Variants in PWWP2A observed in about 807,000 individuals in gnomAD.
The protein encoded by PWWP2A is PWWP domain containing 2A.
In PWWP2A, 18 loss-of-function variants were observed where a neutral mutation model predicts 48.5. The observed-to-expected ratio is 0.37, with a 90% CI of 0.26 to 0.55. The LOEUF is 0.55. Ranked by LOEUF, PWWP2A falls within the 20% of genes least tolerant of loss-of-function variation. The pLI is 0.81. For missense variants in PWWP2A, 867 were observed against 976.4 expected (o/e 0.89, Z 1.49); for synonymous variants, 396 against 387.7 (o/e 1.02, Z -0.25).
Position 160,093,151 on chromosome 5 carries a change from C to A in PWWP2A, c.1499G>T (p.Gly500Val), listed in dbSNP as rs1755255313. 6.2e-7 allele frequency: 1 copy of A among 1,613,832 alleles called. No individual in the cohort carries two copies. Among genetic ancestry groups the A allele is most frequent in the East Asian group, 2.2e-5 (1 of 44,868 alleles). Residue 500 changes from glycine (G) to valine (V), a missense_variant, in exon 2 of 2, where the codon GGC becomes GTC. By Grantham distance (109) the Gly-to-Val change is moderately radical. This residue lies in a region of PWWP2A where 382 missense variants were observed against 407.2 expected (regional missense o/e 0.94). Transcript: ENST00000307063. This position sits in a 1 kb window ranked among gnomAD's most constrained non-coding sequence, Gnocchi z 5.8. ...LKTGLEKMRS[G>V]KMAPKPQSRC... is the part of the protein sequence containing the mutation. ...AGACTGGGGCTTGGGTGCCATCTTG[C>A]CACTCCGCATTTTCTCAAGTCCTGT...
intron 2 of PWWP2A, among the ~76,000 whole-genome samples, chr5:160,082,802 T>C (rs1754339004): frequency 6.6e-6 from 1 of 152,108 alleles, no homozygotes; most frequent in Non-Finnish European, 1.5e-5. Context: ...ATGCAGTAAG[T>C]GGAGGGAGAG....
intron 1 of PWWP2A, among the ~76,000 whole-genome samples, chr5:160,100,162 A>T (rs1269735605): frequency 6.6e-6 from 1 of 151,850 alleles, no homozygotes; most frequent in South Asian, 2.1e-4. Context: ...TGAGCAAGGC[A>T]TGGTGGCGCA....
chr5:160,114,712 G>A (rs1301114788), intron 1 of PWWP2A, among the ~76,000 whole-genome samples: 3 of 147,836 alleles, frequency 2.0e-5, no homozygotes, highest in African/African-American at 7.5e-5. Flanking sequence ...GCAGTGAGCC[G>A]AGATTGTGCC....
At chr5:160,087,917 A>G (rs1159706498), downstream of PWWP2A, among the ~76,000 whole-genome samples, 1 of 152,238 alleles carries the variant, frequency 6.6e-6, no homozygotes, top group Non-Finnish European at 1.5e-5. Flanking sequence ...AAAGACACCA[A>G]AATACCCTGG....
intron 1 of PWWP2A, among the ~76,000 whole-genome samples, chr5:160,104,584 C>T (rs531170070): frequency 2.0e-5 from 3 of 152,038 alleles, no homozygotes; most frequent in South Asian, 4.2e-4. Context: ...GGGTGGATCA[C>T]CTGAGGTCAG....
intron 1 of PWWP2A, among the ~76,000 whole-genome samples, chr5:160,112,226 G>A (rs751070199): frequency 1.3e-4 from 20 of 151,778 alleles, no homozygotes; most frequent in South Asian, 2.1e-4. Flanking sequence ...ACTTAAAGGC[G>A]TCCAGTTCTT....
chr5:160,102,948 G>A (rs1391061659), intron 1 of PWWP2A, among the ~76,000 whole-genome samples: 1 of 152,152 alleles, frequency 6.6e-6, no homozygotes, highest in East Asian at 1.9e-4. Context: ...CGGAAAAATT[G>A]AAGAAATAAT....
the PWWP2A span, chr5:160,049,666 A>G: frequency 1.0e-5 from 16 of 1,564,744 alleles, no homozygotes; most frequent in Non-Finnish European, 1.3e-5. Context: ...TTGTATGGTA[A>G]AACCTAAAAT....
downstream of PWWP2A, among the ~76,000 whole-genome samples, chr5:160,059,874 C>T (rs549480706): frequency 6.6e-6 from 1 of 152,284 alleles, no homozygotes; most frequent in South Asian, 2.1e-4. Flanking sequence ...GAAATGAGCA[C>T]GTGCTATTGG....
At chr5:160,100,567 G>A (rs1056930271) in intron 1 of PWWP2A, among the ~76,000 whole-genome samples, 9 of 152,268 alleles carry the variant, frequency 5.9e-5, no homozygotes, top group African/African-American at 2.2e-4. Flanking sequence ...AGGAGTTCAC[G>A]ACCAGCCTGG....
intron 2 of PWWP2A, among the ~76,000 whole-genome samples, chr5:160,081,130 T>C (rs1232627349): frequency 6.6e-6 from 1 of 152,102 alleles, no homozygotes; most frequent in Non-Finnish European, 1.5e-5. Flanking sequence ...TTTACTAATC[T>C]CACGTTAGCC....
intron 1 of PWWP2A, among the ~76,000 whole-genome samples, chr5:160,104,122 C>CAAAAAAAAAAAAAAAAAAAAAA (rs70990703): frequency 3.2e-5 from 2 of 61,758 alleles, no homozygotes; most frequent in Non-Finnish European, 5.7e-5. Flanking sequence ...GACTCTGTCT[C>CAAAAAAAAAAAAAAAAAAAAAA]AAAAAAAAAA....
chr5:160,058,278 C>T (rs557739436), downstream of PWWP2A, among the ~76,000 whole-genome samples: 1 of 152,362 alleles, frequency 6.6e-6, no homozygotes, highest in African/African-American at 2.4e-5. Context: ...ACCACATCTG[C>T]AGCAACTTCC....
Position 160,078,243 on chromosome 5 carries a change from T to A in PWWP2A, c.1670-75A>T, listed in dbSNP as rs547278430. 3.3e-6 allele frequency: 4 copies of A among 1,202,012 alleles called. No homozygotes were observed. The highest frequency in any genetic ancestry group is 3.6e-6 in the Non-Finnish European group (3 of 829,740). 74.5% of individuals were successfully genotyped at this position (1,202,012 alleles called of 1,614,324 possible). ...TATATGAGGAAAATGATGTCCTTGT[T>A]GTTTAAGCCCTACATAGATTGTGGG... On this transcript the variant is annotated intron_variant, in intron 3 of 3. Coordinates refer to the PWWP2A transcript ENST00000456329. This position sits in a 1 kb window ranked among gnomAD's most constrained non-coding sequence, Gnocchi z 4.2.
intron 1 of PWWP2A, chr5:160,108,465 C>A (rs912687889): frequency 3.4e-6 from 2 of 579,814 alleles, no homozygotes; most frequent in Non-Finnish European, 5.8e-6. Context: ...TACCACAACA[C>A]AATCATTCAA....
intron 2 of PWWP2A, among the ~76,000 whole-genome samples, chr5:160,067,909 C>G (rs536297297): frequency 2.0e-5 from 3 of 152,158 alleles, no homozygotes; most frequent in Non-Finnish European, 4.4e-5. Context: ...GGCCAGGCAC[C>G]GTGGCTCACA....
chr5:160,114,673 C>A (rs6556468), intron 1 of PWWP2A, among the ~76,000 whole-genome samples: 1 of 150,898 alleles, frequency 6.6e-6, no homozygotes, highest in African/African-American at 2.4e-5. Context: ...TGAGGCGGAA[C>A]AATCACTTAA....
At chr5:160,074,060 G>A (rs1324567899), downstream of PWWP2A, among the ~76,000 whole-genome samples, 7 of 125,826 alleles carry the variant, frequency 5.6e-5, no homozygotes, top group East Asian at 4.8e-4. Flanking sequence ...GTGAGACTCC[G>A]TTTCAAAAAA....
At chr5:160,058,950 A>G (rs947282459), downstream of PWWP2A, among the ~76,000 whole-genome samples, 1 of 152,210 alleles carries the variant, frequency 6.6e-6, no homozygotes, top group African/African-American at 2.4e-5. Context: ...TATTCTATAA[A>G]TAGATGTGCT....
Sources: allele counts gnomAD v4.1 joint callset (sites outside exome capture counted in the v4.1 genomes callset), GRCh38; gene constraint gnomAD v4.1.1; regional missense constraint gnomAD v4.1.1; non-coding constraint Gnocchi (gnomAD v3.1); transcripts MANE v1.5; gene names NCBI Gene and HGNC (gene_info 2026-07-23, HGNC 2026-07-21).